The following FAT3 variants were observed in gnomAD, a reference collection of about 807,000 sequenced individuals.
FAT3 encodes protocadherin Fat 3.
In FAT3, 95 loss-of-function variants were observed where a neutral mutation model predicts 310.2. The ratio of observed to expected loss-of-function variants is 0.31; its 90% confidence interval spans 0.26 to 0.36. FAT3 has a LOEUF of 0.36. Ranked by LOEUF, FAT3 falls within the 10% of genes least tolerant of loss-of-function variation. The pLI is 1.00. For missense variants in FAT3, 5,408 were observed against 5,715.6 expected (o/e 0.95, Z 1.74); for synonymous variants, 2,314 against 2,192.9 (o/e 1.06, Z -1.54).
rs1947627679 is a variant in FAT3, at chr11:92,810,084, A to G, written c.9481+8A>G. 6.2e-7 allele frequency: 1 copy of G among 1,611,952 alleles called. No homozygotes were observed. Among genetic ancestry groups the G allele is most frequent in the Admixed American group, 1.7e-5 (1 of 59,946 alleles). ...CCGTGGACCCCGACATTGGTAAGTC[A>G]GTTGCAGGCATCTCCCTGTCACACA... On this transcript the variant is annotated splice_region_variant and intron_variant, in intron 13 of 27. Transcript: ENST00000525166.
chr11:92,558,745 G>A (rs544476345), intron 3 of FAT3, among the ~76,000 whole-genome samples: 32 of 152,248 alleles, frequency 2.1e-4, no homozygotes, highest in African/African-American at 7.5e-4. Context: ...CTTTGCACCT[G>A]GCTGGAAAAC....
At chr11:92,466,944 G>A (rs937817738) in intron 2 of FAT3, among the ~76,000 whole-genome samples, 2 of 151,860 alleles carry the variant, frequency 1.3e-5, no homozygotes, top group East Asian at 3.9e-4. Flanking sequence ...AGTATTCCAT[G>A]GTGTATATGT....
chr11:92,679,703 G>A (rs574299683), intron 3 of FAT3, among the ~76,000 whole-genome samples: 16 of 151,820 alleles, frequency 1.1e-4, no homozygotes, highest in East Asian at 7.8e-4. Flanking sequence ...TTAGCCAGGC[G>A]TGGTGGCAAG....
At chr11:92,389,125 G>A (rs561563915) in intron 2 of FAT3, among the ~76,000 whole-genome samples, 2 of 152,282 alleles carry the variant, frequency 1.3e-5, no homozygotes, top group Admixed American at 6.5e-5. Flanking sequence ...TAACATTGAT[G>A]TTATTATTAG....
intron 3 of FAT3, among the ~76,000 whole-genome samples, chr11:92,679,372 C>T (rs913644887): frequency 6.6e-6 from 1 of 151,668 alleles, no homozygotes; most frequent in African/African-American, 2.4e-5. Flanking sequence ...TTGAGAATTC[C>T]CCATACTGTT....
chr11:92,254,618 A>G (rs1029040994), intron 1 of FAT3, among the ~76,000 whole-genome samples: 1 of 152,136 alleles, frequency 6.6e-6, no homozygotes, highest in African/African-American at 2.4e-5. Context: ...TACTTATGGC[A>G]TGTTACCCTA....
intron 3 of FAT3, among the ~76,000 whole-genome samples, chr11:92,650,014 A>G (rs1942317642): frequency 1.3e-5 from 2 of 151,426 alleles, no homozygotes; most frequent in South Asian, 4.2e-4. Flanking sequence ...CTGGGTGCTA[A>G]CCTTTGTATA....
At chr11:92,552,228 A>G (rs1954845361) in intron 3 of FAT3, among the ~76,000 whole-genome samples, 1 of 152,224 alleles carries the variant, frequency 6.6e-6, no homozygotes, top group Non-Finnish European at 1.5e-5. Flanking sequence ...GTTATTGAAT[A>G]ACAGTAGAAA....
intron 13 of FAT3, among the ~76,000 whole-genome samples, chr11:92,810,889 A>T (rs771127550): frequency 2.4e-4 from 37 of 152,338 alleles, no homozygotes; most frequent in Non-Finnish European, 8.8e-5. Context: ...GGAAATGATG[A>T]GGTGTGTCTG....
rs1353895208 is a variant in FAT3, at chr11:92,801,413, A to G, written c.8400A>G (p.Val2800=). The G allele has an allele frequency of 1.2e-6, 2 of 1,613,972 alleles. No individual in the cohort carries two copies. Among genetic ancestry groups the G allele is most frequent in the Non-Finnish European group, 1.7e-6 (2 of 1,179,878 alleles). Residue 2800 remains valine (V), a synonymous_variant, in exon 10 of 28, where the codon GTA becomes GTG. Coordinates refer to ENST00000525166, the MANE Select transcript of FAT3 (RefSeq NM_001367949.2). ...TAGACATTGTGTTTACTGTGGATGT[A>G]GATATCAAGGTATTGGATTTGAATG... is the stretch of plus-strand genomic sequence containing the variant. ...DKVDIVFTVD[V]DIKVLDLNDN...
chr11:92,448,360 CAGTGTG>C (rs1214693233), intron 2 of FAT3, among the ~76,000 whole-genome samples: 1 of 151,966 alleles, frequency 6.6e-6, no homozygotes, highest in Non-Finnish European at 1.5e-5. Context: ...TGACACTTGC[CAGTGTG>C]TGGTTTTCTG....
In FAT3 at chr11:92,352,530, G is replaced by T; in HGVS notation, c.418G>T (p.Ala140Ser). Residue 140 changes from alanine (A) to serine (S), a missense_variant, in exon 2 of 28, where the codon GCA (alanine) becomes TCA (serine). Ala to Ser is a moderately conservative substitution (Grantham distance 99). This residue lies in a region of FAT3 where 152 missense variants were observed against 188.3 expected (regional missense o/e 0.81). Coordinates refer to ENST00000525166, the MANE Select transcript of FAT3 (RefSeq NM_001367949.2). ...KGSVRGEDLEAWTKVNIQVLD... is the reference protein window; with the variant it reads ...KGSVRGEDLESWTKVNIQVLD... ...TTCTGTCAGAGGAGAGGATTTGGAA[G>T]CATGGACCAAAGTGAATATACAGGT... The T allele has an allele frequency of 6.2e-7, 1 of 1,613,582 alleles. No individual in the cohort carries two copies. The highest frequency in any genetic ancestry group is 8.5e-7 in the Non-Finnish European group (1 of 1,179,782).
rs146148942 is a variant in FAT3, at chr11:92,622,102, A to G, written c.3608-75282A>G. Among the ~76,000 whole-genome samples, 276 of 152,260 alleles carry G rather than the reference A, an allele frequency of 1.8e-3. 3 individuals are homozygous for G. Among genetic ancestry groups the G allele is most frequent in the African/African-American group, 6.2e-3 (259 of 41,550 alleles). Reference sequence around the variant, plus strand: ...AATGTGGTGAACTGGCCTAGCCAACATGGTGAAACCCCGTCTCTACTAAAA... The same window carrying G: ...AATGTGGTGAACTGGCCTAGCCAACGTGGTGAAACCCCGTCTCTACTAAAA... On this transcript the variant is annotated intron_variant, in intron 3 of 27. Coordinates refer to ENST00000525166, the MANE Select transcript of FAT3 (RefSeq NM_001367949.2).
chr11:92,395,659 A>G (rs182262602), intron 2 of FAT3, among the ~76,000 whole-genome samples: 4 of 151,644 alleles, frequency 2.6e-5, no homozygotes, highest in Admixed American at 2.0e-4. Context: ...GATCACTGCA[A>G]TCTCCACCTC....
chr11:92,598,932 G>A (rs957368401), intron 3 of FAT3, among the ~76,000 whole-genome samples: 1 of 152,170 alleles, frequency 6.6e-6, no homozygotes, highest in African/African-American at 2.4e-5. Context: ...AATACTCAAT[G>A]AATGTCAGCT....
At chr11:92,458,005 C>G (rs1230228715) in intron 2 of FAT3, among the ~76,000 whole-genome samples, 7 of 152,192 alleles carry the variant, frequency 4.6e-5, no homozygotes, top group Middle Eastern at 3.2e-3. Flanking sequence ...GCTCTCCTGT[C>G]TGTTACCTGG....
At chr11:92,809,291 CT>C (rs1411477252) in intron 12 of FAT3, among the ~76,000 whole-genome samples, 2 of 152,318 alleles carry the variant, frequency 1.3e-5, no homozygotes, top group African/African-American at 4.8e-5. Flanking sequence ...AGGGTTAACC[CT>C]TACACAATAG....
intron 2 of FAT3, among the ~76,000 whole-genome samples, chr11:92,477,397 T>C (rs1169550702): frequency 1.3e-5 from 2 of 152,258 alleles, no homozygotes; most frequent in African/African-American, 2.4e-5. Flanking sequence ...CAAAATGATA[T>C]ATGCAATCTA....
At position 92,761,932 on chromosome 11, in the gene FAT3, A is replaced by G. The variant is rs2136084133; in HGVS notation, c.3746A>G (p.Asp1249Gly). The change falls in exon 5 of 28, where the codon GAC (aspartate) becomes GGC (glycine). Residue 1249 changes from aspartate to glycine, a missense_variant. Transcript: ENST00000525166. ...WVVVQVLDEN[D>G]NKPQFPEKVY... ...GTGGTTCAGGTTCTAGATGAAAATG[A>G]CAACAAGCCCCAGTTCCCAGAGAAG... 4 of 1,614,014 alleles carry G rather than the reference A, an allele frequency of 2.5e-6. No individual in the cohort carries two copies. Among genetic ancestry groups the G allele is most frequent in the Non-Finnish European group, 3.4e-6 (4 of 1,179,888 alleles).
Sources: allele counts gnomAD v4.1 joint callset (sites outside exome capture counted in the v4.1 genomes callset), GRCh38; gene constraint gnomAD v4.1.1; regional missense constraint gnomAD v4.1.1; transcripts MANE v1.5; gene names NCBI Gene and HGNC (gene_info 2026-07-23, HGNC 2026-07-21).